TPRG1: variants seen among roughly 807,000 people sequenced by gnomAD.
TPRG1 encodes the protein tumor protein p63 regulated 1, also known as tumor protein p63-regulated gene 1 protein.
TPRG1 carries 29 observed loss-of-function variants against 29.3 expected under a neutral mutation model. That is an observed-to-expected ratio of 0.99 (90% CI 0.74 to 1.35). The LOEUF is 1.35. Among genes scored for constraint, TPRG1 ranks in the 40% most tolerant of loss-of-function variants. The pLI is 0.00. For missense variants in TPRG1, 327 were observed against 335.0 expected (o/e 0.98, Z 0.19); for synonymous variants, 130 against 116.8 (o/e 1.11, Z -0.73).
chr3:189,020,034 T>G lies in TPRG1; in HGVS notation c.-659-3716T>G, dbSNP rs574050991. Among the ~76,000 whole-genome samples, 107 of 152,118 alleles carry G rather than the reference T, an allele frequency of 7.0e-4. 1 individual carries two copies. In the South Asian group the frequency reaches 0.022, roughly 31 times the overall value. ...TTTATTTGCGTAGAGGTGTTTGTAG[T>G]ATTCTCTGATGGTAGTTTGTATTTC... On this transcript the variant is annotated intron_variant, in intron 3 of 10. Coordinates refer to the TPRG1 transcript ENST00000433971.
At chr3:189,184,587 T>A (rs1347744541) in intron 1 of TPRG1, among the ~76,000 whole-genome samples, 1 of 152,216 alleles carries the variant, frequency 6.6e-6, no homozygotes. Flanking sequence ...TAAGAAAAAT[T>A]AAATGAGGCC....
rs575980299 is a variant in TPRG1, at chr3:189,016,202, A to T, written c.-659-7548A>T. Among the ~76,000 whole-genome samples the T allele has an allele frequency of 2.6e-5, 4 of 152,080 alleles. No homozygotes were observed. In the South Asian group the frequency reaches 6.2e-4, roughly 24 times the overall value. Reference sequence around the variant, plus strand: ...GATGTGAGACATGGAGTCAAAGGAGATTATTTTGGAACTTTAAGATTTAAA... The same window carrying T: ...GATGTGAGACATGGAGTCAAAGGAGTTTATTTTGGAACTTTAAGATTTAAA... On this transcript the variant is annotated intron_variant, in intron 3 of 10. Coordinates refer to the TPRG1 transcript ENST00000433971.
chr3:189,238,620 C>A, intron 3 of TPRG1, 113 bp from the exon 4 acceptor site: 1 of 840,580 alleles, frequency 1.2e-6, no homozygotes, highest in Non-Finnish European at 1.8e-6. Flanking sequence ...CAGCCCCTCT[C>A]TCTTCTGAGT....
chr3:189,005,269 T>TATC (rs1285473002), intron 3 of TPRG1, among the ~76,000 whole-genome samples: 1 of 152,170 alleles, frequency 6.6e-6, no homozygotes. Flanking sequence ...TTGCTTCTTG[T>TATC]ATCACCTCAG....
At chr3:189,084,167 G>T (rs983681966) in intron 4 of TPRG1, among the ~76,000 whole-genome samples, 1 of 151,522 alleles carries the variant, frequency 6.6e-6, no homozygotes, top group African/African-American at 2.4e-5. Flanking sequence ...AAAAAGAAAA[G>T]AAAAAAATGT....
intron 3 of TPRG1, among the ~76,000 whole-genome samples, chr3:189,135,715 A>G (rs1438745068): frequency 6.6e-6 from 1 of 152,208 alleles, no homozygotes; most frequent in African/African-American, 2.4e-5. Context: ...TGGCTATGGA[A>G]CATCTTTTTT....
At chr3:189,033,819 A>G in intron 4 of TPRG1, among the ~76,000 whole-genome samples, 1 of 151,968 alleles carries the variant, frequency 6.6e-6, no homozygotes, top group East Asian at 1.9e-4. Flanking sequence ...CTCGTGATCC[A>G]CCTGCCTCGG....
intron 5 of TPRG1, among the ~76,000 whole-genome samples, chr3:189,162,060 T>C (rs1036567421): frequency 1.3e-5 from 2 of 152,220 alleles, no homozygotes; most frequent in African/African-American, 4.8e-5. Context: ...TCGTGTGATC[T>C]TGGCTCATTG....
intron 3 of TPRG1, among the ~76,000 whole-genome samples, chr3:189,022,608 T>A (rs1200488388): frequency 1.3e-4 from 20 of 151,994 alleles, no homozygotes; most frequent in Non-Finnish European, 2.1e-4. Flanking sequence ...TCCAGCTGCG[T>A]GCTGGGAGAA....
intron 1 of TPRG1, among the ~76,000 whole-genome samples, chr3:189,196,564 A>C (rs1732562750): frequency 6.6e-6 from 1 of 152,134 alleles, no homozygotes; most frequent in Admixed American, 6.5e-5. Flanking sequence ...TAAATCCATC[A>C]GATCTCGTGA....
intron 2 of TPRG1, among the ~76,000 whole-genome samples, chr3:189,003,777 C>G (rs183100693): frequency 7.2e-4 from 110 of 152,270 alleles, no homozygotes; most frequent in African/African-American, 2.5e-3. Context: ...TTTAAAGACT[C>G]TTTGTGTATG....
chr3:189,297,338 G>A (rs1026719133), intron 4 of TPRG1, among the ~76,000 whole-genome samples: 2 of 152,104 alleles, frequency 1.3e-5, no homozygotes, highest in Non-Finnish European at 2.9e-5. Flanking sequence ...AAATGACCAT[G>A]CCTTTCACTT....
intron 4 of TPRG1, among the ~76,000 whole-genome samples, chr3:189,262,284 C>T (rs945006658): frequency 1.4e-5 from 2 of 146,808 alleles, no homozygotes; most frequent in African/African-American, 2.6e-5. Context: ...ATGAAGTATA[C>T]GTCTTTGAAA....
intron 4 of TPRG1, among the ~76,000 whole-genome samples, chr3:189,275,955 G>A (rs1393112000): frequency 6.6e-6 from 1 of 152,144 alleles, no homozygotes; most frequent in Admixed American, 6.5e-5. Flanking sequence ...AAGTATTGTA[G>A]GGATATCTTG....
intron 3 of TPRG1, among the ~76,000 whole-genome samples, chr3:189,016,395 G>A (rs925218292): frequency 2.0e-5 from 3 of 151,856 alleles, no homozygotes; most frequent in Admixed American, 6.6e-5. Context: ...GATTTTATAG[G>A]CTCATAAACA....
intron 4 of TPRG1, among the ~76,000 whole-genome samples, chr3:189,053,597 T>C (rs1034028644): frequency 6.6e-6 from 1 of 152,198 alleles, no homozygotes; most frequent in South Asian, 2.1e-4. Context: ...TGTTTTCCCA[T>C]ATGTGGTTAC....
chr3:189,071,263 C>T lies in TPRG1; in HGVS notation c.-463+47317C>T, dbSNP rs145470775. Among the ~76,000 whole-genome samples the T allele has an allele frequency of 3.9e-5, 6 of 152,268 alleles. No individual in the cohort carries two copies. The East Asian group carries it at 9.6e-4, about 24-fold the overall frequency. ...TCCTTTTCCATGTGGGAACTTAAAG[C>T]TAACCCTAAATATTTCTGTTAAATA... On this transcript the variant is annotated intron_variant, in intron 4 of 10. Coordinates refer to the TPRG1 transcript ENST00000433971.
At chr3:189,120,720 G>T (rs1721732699) in intron 1 of TPRG1, among the ~76,000 whole-genome samples, 1 of 152,172 alleles carries the variant, frequency 6.6e-6, no homozygotes, top group South Asian at 2.1e-4. Context: ...GCTAAATAAG[G>T]CTGAACAGCC....
chr3:189,021,961 T>C (rs1713340333), intron 3 of TPRG1, among the ~76,000 whole-genome samples: 1 of 152,186 alleles, frequency 6.6e-6, no homozygotes, highest in Admixed American at 6.5e-5. Flanking sequence ...AACCTTCCCT[T>C]CTTGCTTCAT....
Sources: gnomAD v4.1 joint callset for allele counts (sites outside exome capture counted in the v4.1 genomes callset) on GRCh38, gnomAD v4.1.1 for gene constraint, MANE v1.5 for transcripts, NCBI Gene and HGNC (gene_info 2026-07-23, HGNC 2026-07-21) for gene names.